The following OR8H2 variants were observed in gnomAD, a reference collection of about 807,000 sequenced individuals.
OR8H2 encodes olfactory receptor 8H2.
For synonymous variants in OR8H2, 157 were observed against 139.2 expected (o/e 1.13, Z -0.90); for missense variants, 374 against 371.1 (o/e 1.01, Z -0.06).
chr11:56,106,901 A>G lies in OR8H2; in HGVS notation c.*920A>G, dbSNP rs1854062208. ...GGGGGTAGCCATTATTCTTTTCTTTACTTCTCTAATAAACCCATTTTCAGT... is the reference window on the plus strand; with the variant it reads ...GGGGGTAGCCATTATTCTTTTCTTTGCTTCTCTAATAAACCCATTTTCAGT... On this transcript the variant is annotated 3_prime_UTR_variant, in exon 2 of 2. Coordinates refer to ENST00000313503, the MANE Select transcript of OR8H2 (RefSeq NM_001386064.1). The G allele has an allele frequency of 6.6e-6, 1 of 151,882 alleles. No individual in the cohort carries two copies. Among genetic ancestry groups the G allele is most frequent in the African/African-American group, 2.4e-5 (1 of 41,414 alleles). 9.4% of individuals were successfully genotyped at this position (151,882 alleles called of 1,614,324 possible).
In OR8H2 at chr11:56,105,968, A is replaced by G. The variant is rs759438470; in HGVS notation, c.926A>G (p.Gln309Arg). Residue 309 changes from glutamine (Q) to arginine (R), a missense_variant, in exon 2 of 2, where the codon CAG (glutamine) becomes CGG (arginine). Coordinates refer to ENST00000313503, the MANE Select transcript of OR8H2 (RefSeq NM_001386064.1). ...GTCATCAGAGTCATGCAGAGAAGACAGGACTCCAGGTAATTAATATAGCAG... is the reference window on the plus strand; with the variant it reads ...GTCATCAGAGTCATGCAGAGAAGACGGGACTCCAGGTAATTAATATAGCAG... Reference protein sequence around the residue: ...NAVIRVMQRRQDSR With the variant: ...NAVIRVMQRRRDSR 1 of 1,554,256 alleles carries G rather than the reference A, an allele frequency of 6.4e-7. No individual in the cohort carries two copies. Among genetic ancestry groups the G allele is most frequent in the Admixed American group, 2.0e-5 (1 of 49,832 alleles).
In OR8H2 at chr11:56,105,246, A is replaced by G. The variant is rs1292524241; in HGVS notation, c.204A>G (p.Ser68=). 1.9e-6 allele frequency: 3 copies of G among 1,614,194 alleles called. No homozygotes were observed. Among genetic ancestry groups the G allele is most frequent in the Non-Finnish European group, 1.7e-6 (2 of 1,180,042 alleles). The change falls in exon 2 of 2, where the codon TCA becomes TCG. Residue 68 remains serine, a synonymous_variant. Coordinates refer to ENST00000313503, the MANE Select transcript of OR8H2 (RefSeq NM_001386064.1). ...TGTATTTTTTCCTTACTCACCTGTCATTTATTGACCTCAGTTACTCAACTG... is the reference window on the plus strand; with the variant it reads ...TGTATTTTTTCCTTACTCACCTGTCGTTTATTGACCTCAGTTACTCAACTG... The part of the protein sequence containing the change: ...TPMYFFLTHL[S]FIDLSYSTVV...
rs1854027859 is a variant in OR8H2, at chr11:56,104,878, G to T, written c.-165G>T. On this transcript the variant is annotated 5_prime_UTR_variant, in exon 2 of 2. Transcript: ENST00000313503. ...TTTTTGTTTTTTGAGTCAGAGTCTGGCACAGTCGCCAGGGCTGGAATGCAA... is the reference window on the plus strand; with the variant it reads ...TTTTTGTTTTTTGAGTCAGAGTCTGTCACAGTCGCCAGGGCTGGAATGCAA... 1 of 574,070 alleles carries T rather than the reference G, an allele frequency of 1.7e-6. No homozygotes were observed. The allele number at this position is 574,070 out of a possible 1,614,324, so 35.6% of individuals were successfully genotyped here.
In OR8H2 at chr11:56,104,887, C is replaced by T. The variant is rs79624764; in HGVS notation, c.-156C>T. On this transcript the variant is annotated 5_prime_UTR_variant, in exon 2 of 2. Transcript: ENST00000313503. The stretch of plus-strand genomic sequence containing the variant: ...TTTGAGTCAGAGTCTGGCACAGTCG[C>T]CAGGGCTGGAATGCAATGGTGCGAT... 28,778 of 610,078 alleles carry T rather than the reference C, an allele frequency of 0.047. 1,255 individuals are homozygous for T. The highest frequency in any genetic ancestry group is 0.057 in the Non-Finnish European group (20,141 of 355,142). The allele number at this position is 610,078 out of a possible 1,614,324, so 37.8% of individuals were successfully genotyped here.
Position 56,106,382 on chromosome 11 carries a change from A to G in OR8H2, c.*401A>G, listed in dbSNP as rs1590740589. On this transcript the variant is annotated 3_prime_UTR_variant, in exon 2 of 2. Coordinates refer to ENST00000313503, the MANE Select transcript of OR8H2 (RefSeq NM_001386064.1). The stretch of plus-strand genomic sequence containing the variant: ...TGTTATTCCATTTATTATATGGGGA[A>G]GAATTATAGCAGAGTGGGTAGGAGT... The G allele has an allele frequency of 6.5e-6, 1 of 154,878 alleles. No individual in the cohort carries two copies. The highest frequency in any genetic ancestry group is 1.4e-5 in the Non-Finnish European group (1 of 69,920). 9.6% of individuals were successfully genotyped at this position (154,878 alleles called of 1,614,324 possible). A position where few individuals can be genotyped will look rare whatever the true frequency, so the allele number is the denominator to read the frequency against.
chr11:56,104,852 T>G lies in OR8H2; in HGVS notation c.-171-20T>G. 7.1e-6 allele frequency: 3 copies of G among 425,340 alleles called. No homozygotes were observed. Among genetic ancestry groups the G allele is most frequent in the Non-Finnish European group, 1.2e-5 (3 of 241,652 alleles). 26.3% of individuals were successfully genotyped at this position (425,340 alleles called of 1,614,324 possible). ...TAAACAGAAAGTTTTTTTTTGTTTG[T>G]TTTTTGTTTTTTGAGTCAGAGTCTG... On this transcript the variant is annotated intron_variant, in intron 1 of 1. Coordinates refer to ENST00000313503, the MANE Select transcript of OR8H2 (RefSeq NM_001386064.1).
Position 56,105,518 on chromosome 11 carries a change from A to G in OR8H2, c.476A>G (p.Asn159Ser), listed in dbSNP as rs1191848646. 3 of 1,614,084 alleles carry G rather than the reference A, an allele frequency of 1.9e-6. No individual in the cohort carries two copies. In the African/African-American group the frequency reaches 4.0e-5, roughly 22 times the overall value. Residue 159 changes from asparagine to serine, a missense_variant, in exon 2 of 2, where the codon AAC (asparagine) becomes AGC (serine). By Grantham distance (46) the Asn-to-Ser change is conservative (BLOSUM62 1). Transcript: ENST00000313503. The stretch of plus-strand genomic sequence containing the variant: ...ATTGGCTTTATAGACTCCTTTGTCA[A>G]CGTGGTTTCCATGAGCAGATTGCAT... ...YVIGFIDSFVNVVSMSRLHFY... is the reference protein window; with the variant it reads ...YVIGFIDSFVSVVSMSRLHFY...
At position 56,105,735 on chromosome 11, in the gene OR8H2, T is replaced by G. The variant is rs746250599; in HGVS notation, c.693T>G (p.Thr231=). The change falls in exon 2 of 2, where the codon ACT becomes ACG. Residue 231 remains threonine (T), a synonymous_variant. Transcript: ENST00000313503. ...ILFTILKINS[T]SGKQKAFSTC... is the part of the protein sequence containing the mutation. ...TTACCATCCTGAAAATTAATTCCAC[T>G]TCAGGAAAGCAGAAAGCTTTCTCTA... is the stretch of plus-strand genomic sequence containing the variant. 1.3e-5 allele frequency: 21 copies of G among 1,614,052 alleles called. No individual in the cohort carries two copies. The highest frequency in any genetic ancestry group is 1.8e-5 in the Non-Finnish European group (21 of 1,179,876).
At position 56,104,802 on chromosome 11, in the gene OR8H2, A is replaced by G. The variant is rs149256395; in HGVS notation, c.-171-70A>G. The stretch of plus-strand genomic sequence containing the variant: ...TAGCAACTTATAGAAGGCTAAGCTA[A>G]TTTTTAAATGATATGCCATTCATAT... On this transcript the variant is annotated intron_variant, in intron 1 of 1. Coordinates refer to ENST00000313503, the MANE Select transcript of OR8H2 (RefSeq NM_001386064.1). 1.9e-3 allele frequency: 772 copies of G among 408,380 alleles called. 7 individuals carry two copies. The highest frequency in any genetic ancestry group is 0.015 in the African/African-American group (724 of 49,314). The allele number at this position is 408,380 out of a possible 1,614,324, so 25.3% of individuals were successfully genotyped here.
rs141308613 is a variant in OR8H2 at position 56,105,552 on chromosome 11, C to T, written c.510C>T (p.Asp170=). 3,697 of 1,614,178 alleles carry T rather than the reference C, an allele frequency of 2.3e-3. 18 individuals are homozygous for T. Among genetic ancestry groups the T allele is most frequent in the Admixed American group, 4.7e-3 (280 of 60,022 alleles). Residue 170 remains aspartate (D), a synonymous_variant, in exon 2 of 2, where the codon GAC becomes GAT. Coordinates refer to ENST00000313503, the MANE Select transcript of OR8H2 (RefSeq NM_001386064.1). The part of the protein sequence containing the change: ...VVSMSRLHFY[D]SNVIHHFFCD... ...CCATGAGCAGATTGCATTTCTACGA[C>T]TCAAACGTAATTCATCACTTTTTCT... is the stretch of plus-strand genomic sequence containing the variant.
Position 56,104,939 on chromosome 11 carries a change from C to G in OR8H2, c.-104C>G, listed in dbSNP as rs1466113556. ...CCGGCTCACTGCAACCTCCGCCTCC[C>G]GCGTTCAAGCAATTCTCCTGCCTCA... is the stretch of plus-strand genomic sequence containing the variant. On this transcript the variant is annotated 5_prime_UTR_variant, in exon 2 of 2. Transcript: ENST00000313503. 3 of 1,011,054 alleles carry G rather than the reference C, an allele frequency of 3.0e-6. No individual in the cohort carries two copies. The Admixed American group carries it at 6.8e-5, about 23-fold the overall frequency. The allele number at this position is 1,011,054 out of a possible 1,614,324, so 62.6% of individuals were successfully genotyped here.
In OR8H2 at chr11:56,105,354, T is replaced by A; in HGVS notation, c.312T>A (p.Phe104Leu). ...FTGCFAQMFFFAFLGTAECYL... is the reference protein window; with the variant it reads ...FTGCFAQMFFLAFLGTAECYL... ...GCTGCTTTGCCCAGATGTTCTTTTTTGCCTTCTTGGGTACTGCTGAATGTT... is the reference window on the plus strand; with the variant it reads ...GCTGCTTTGCCCAGATGTTCTTTTTAGCCTTCTTGGGTACTGCTGAATGTT... Residue 104 changes from phenylalanine to leucine, a missense_variant, in exon 2 of 2, where the codon TTT (phenylalanine) becomes TTA (leucine). By Grantham distance (22) the Phe-to-Leu change is conservative (BLOSUM62 0). Transcript: ENST00000313503. The A allele has an allele frequency of 1.2e-6, 2 of 1,614,222 alleles. No individual in the cohort carries two copies.
Position 56,105,173 on chromosome 11 carries a change from T to G in OR8H2, c.131T>G (p.Val44Gly). The G allele has an allele frequency of 1.2e-6, 2 of 1,614,164 alleles. No homozygotes were observed. Among genetic ancestry groups the G allele is most frequent in the East Asian group, 2.2e-5 (1 of 44,874 alleles). The change falls in exon 2 of 2, where the codon GTG (valine) becomes GGG (glycine). Residue 44 changes from valine to glycine, a missense_variant. Val to Gly is a moderately radical substitution (Grantham distance 109). Transcript: ENST00000313503. ...TACCTAATTACTATGCTGGGGAATG[T>G]GGGGATGATATTGATAATCCGCCTG... ...LIYLITMLGN[V>G]GMILIIRLDL...
Position 56,106,830 on chromosome 11 carries a change from A to C in OR8H2, c.*849A>C, listed in dbSNP as rs559510283. On this transcript the variant is annotated 3_prime_UTR_variant, in exon 2 of 2. Coordinates refer to ENST00000313503, the MANE Select transcript of OR8H2 (RefSeq NM_001386064.1). ...GAAAAATATTACAAAATATTGAAGA[A>C]AATAGAAATCCTCTACAAATATTGA... 9 of 152,154 alleles carry C rather than the reference A, an allele frequency of 5.9e-5. No individual in the cohort carries two copies. The South Asian group carries it at 1.0e-3, about 17-fold the overall frequency. The allele number at this position is 152,154 out of a possible 1,614,324, so 9.4% of individuals were successfully genotyped here.
rs1854041563 is a variant in OR8H2 at position 56,105,526 on chromosome 11, T to G, written c.484T>G (p.Ser162Ala). ...TATAGACTCCTTTGTCAACGTGGTT[T>G]CCATGAGCAGATTGCATTTCTACGA... ...GFIDSFVNVVSMSRLHFYDSN... is the reference protein window; with the variant it reads ...GFIDSFVNVVAMSRLHFYDSN... The change falls in exon 2 of 2, where the codon TCC (serine) becomes GCC (alanine). Residue 162 changes from serine (S) to alanine (A), a missense_variant. By Grantham distance (99) the Ser-to-Ala change is moderately conservative. Transcript: ENST00000313503. The G allele has an allele frequency of 6.2e-7, 1 of 1,614,084 alleles. No individual in the cohort carries two copies. Among genetic ancestry groups the G allele is most frequent in the Admixed American group, 1.7e-5 (1 of 60,010 alleles).
In OR8H2 at chr11:56,105,003, G is replaced by T; in HGVS notation, c.-40G>T. The T allele has an allele frequency of 2.0e-6, 3 of 1,534,268 alleles. No homozygotes were observed. Among genetic ancestry groups the T allele is most frequent in the Non-Finnish European group, 2.7e-6 (3 of 1,128,042 alleles). On this transcript the variant is annotated 5_prime_UTR_variant, in exon 2 of 2. Transcript: ENST00000313503. ...CTGGGATTACAGGCGCCCCTGCTACGTATCAGCTTTGATTTCTCAGCAGTT... is the reference window on the plus strand; with the variant it reads ...CTGGGATTACAGGCGCCCCTGCTACTTATCAGCTTTGATTTCTCAGCAGTT...
At position 56,105,355 on chromosome 11, in the gene OR8H2, G is replaced by C. The variant is rs143958111; in HGVS notation, c.313G>C (p.Ala105Pro). Residue 105 changes from alanine (A) to proline (P), a missense_variant, in exon 2 of 2, where the codon GCC (alanine) becomes CCC (proline). By Grantham distance (27) the Ala-to-Pro change is conservative (BLOSUM62 -1). Coordinates refer to ENST00000313503, the MANE Select transcript of OR8H2 (RefSeq NM_001386064.1). ...CTGCTTTGCCCAGATGTTCTTTTTT[G>C]CCTTCTTGGGTACTGCTGAATGTTA... ...TGCFAQMFFF[A>P]FLGTAECYLL... 3.2e-5 allele frequency: 51 copies of C among 1,613,764 alleles called. No homozygotes were observed. The African/African-American group carries it at 5.1e-4, about 16-fold the overall frequency.
rs746172605 is a variant in OR8H2 at position 56,105,153 on chromosome 11, A to G, written c.111A>G (p.Leu37=). The G allele has an allele frequency of 3.4e-5, 55 of 1,613,968 alleles. No individual in the cohort carries two copies. The highest frequency in any genetic ancestry group is 4.4e-5 in the Non-Finnish European group (52 of 1,180,030). ...TTATGCTATTTCTCCTGATATACCT[A>G]ATTACTATGCTGGGGAATGTGGGGA... ...ALFMLFLLIY[L]ITMLGNVGMI... Residue 37 remains leucine, a synonymous_variant, in exon 2 of 2, where the codon CTA becomes CTG. Coordinates refer to ENST00000313503, the MANE Select transcript of OR8H2 (RefSeq NM_001386064.1).
rs1040989603 is a variant in OR8H2, at chr11:56,107,236, T to C, written c.*1255T>C. The stretch of plus-strand genomic sequence containing the variant: ...AACTTCAAAAACTGGATTTCTGTAA[T>C]GTGTCAAATGTGTCAAATTGCTTCT... On this transcript the variant is annotated 3_prime_UTR_variant, in exon 2 of 2. Transcript: ENST00000313503. The C allele has an allele frequency of 6.6e-6, 1 of 151,974 alleles. No homozygotes were observed. The highest frequency in any genetic ancestry group is 1.5e-5 in the Non-Finnish European group (1 of 67,822). The allele number at this position is 151,974 out of a possible 1,614,324, so 9.4% of individuals were successfully genotyped here.
Sources: gnomAD v4.1 joint callset for allele counts on GRCh38, gnomAD v4.1.1 for gene constraint, MANE v1.5 for transcripts, NCBI Gene and HGNC (gene_info 2026-07-23, HGNC 2026-07-21) for gene names.